Variants in BLTP2 observed in about 807,000 individuals in gnomAD.
BLTP2 encodes bridge-like lipid transfer protein family member 2.
the BLTP2 span, among the ~76,000 whole-genome samples, chr17:28,617,603 G>A: frequency 2.0e-5 from 3 of 152,098 alleles, no homozygotes; most frequent in Non-Finnish European, 4.4e-5. Flanking sequence ...AAATAATACT[G>A]CCTTCTTTAC....
At chr17:28,625,784 A>G in the BLTP2 span, among the ~76,000 whole-genome samples, 4 of 151,852 alleles carry the variant, frequency 2.6e-5, no homozygotes, top group South Asian at 8.3e-4. Flanking sequence ...TCTTCCCTTG[A>G]GATGGAGTTT....
chr17:28,645,129 C>T, the BLTP2 span: 1 of 1,257,338 alleles, frequency 8.0e-7, no homozygotes. Flanking sequence ...CCGCGCAGCA[C>T]CGCCGCGGGC....
At chr17:28,622,948 G>A in the BLTP2 span, among the ~76,000 whole-genome samples, 13 of 152,090 alleles carry the variant, frequency 8.5e-5, no homozygotes, top group Non-Finnish European at 1.3e-4. Context: ...GGTGGGGCAC[G>A]CCTGTAATCC....
the BLTP2 span, among the ~76,000 whole-genome samples, chr17:28,617,722 A>G: frequency 2.6e-5 from 4 of 152,176 alleles, no homozygotes; most frequent in Non-Finnish European, 5.9e-5. Context: ...TTCTTACTCA[A>G]CAAGAGAAGC....
At chr17:28,623,957 G>A in the BLTP2 span, 14 of 1,613,404 alleles carry the variant, frequency 8.7e-6, no homozygotes, top group South Asian at 1.1e-5. Flanking sequence ...TCTGCTCCAC[G>A]AAGAACCATC....
the BLTP2 span, chr17:28,642,033 G>A: frequency 1.2e-6 from 2 of 1,614,070 alleles, no homozygotes; most frequent in East Asian, 2.2e-5. Context: ...CCCACCTTTA[G>A]ACACAGGTCC....
At chr17:28,634,472 C>T in the BLTP2 span, 1 of 1,566,828 alleles carries the variant, frequency 6.4e-7, no homozygotes, top group Non-Finnish European at 8.6e-7. Context: ...CCCCAGAGCT[C>T]AGCGGGCAAA....
At chr17:28,621,182 T>C in the BLTP2 span, 1 of 1,610,872 alleles carries the variant, frequency 6.2e-7, no homozygotes. Context: ...TGGGAAGAGG[T>C]GGGAAAGAGA....
chr17:28,633,615 A>G, the BLTP2 span: 1 of 1,613,988 alleles, frequency 6.2e-7, no homozygotes, highest in Non-Finnish European at 8.5e-7. Context: ...GGAACAGAAG[A>G]CGGCTCTTGT....
chr17:28,631,478 C>T, the BLTP2 span: 10 of 1,613,488 alleles, frequency 6.2e-6, no homozygotes, highest in Non-Finnish European at 7.6e-6. Flanking sequence ...TCAGGGAGTA[C>T]CTCCTCAGCT....
the BLTP2 span, among the ~76,000 whole-genome samples, chr17:28,644,536 G>A: frequency 3.9e-5 from 6 of 152,202 alleles, no homozygotes; most frequent in South Asian, 6.2e-4. Context: ...TCCCCAGAGG[G>A]TCTGTCTGTC....
chr17:28,634,876 C>A, the BLTP2 span: 1 of 1,614,002 alleles, frequency 6.2e-7, no homozygotes, highest in Non-Finnish European at 8.5e-7. Flanking sequence ...TCTTTTGGCA[C>A]TCTCCTTACT....
chr17:28,621,181 G>A, the BLTP2 span: 1 of 1,611,558 alleles, frequency 6.2e-7, no homozygotes, highest in Admixed American at 1.7e-5. Context: ...CTGGGAAGAG[G>A]TGGGAAAGAG....
the BLTP2 span, chr17:28,635,962 A>G: frequency 4.7e-3 from 886 of 189,986 alleles, 6 homozygotes; most frequent in African/African-American, 0.02. Context: ...GTTTCTGCTT[A>G]TGAGTTACCT....
chr17:28,623,832 C>T, the BLTP2 span: 2 of 1,614,222 alleles, frequency 1.2e-6, no homozygotes, highest in Non-Finnish European at 1.7e-6. Context: ...GCATGCCATC[C>T]AAGAGGCAAG....
At chr17:28,616,359 A>G in the BLTP2 span, 1 of 1,613,790 alleles carries the variant, frequency 6.2e-7, no homozygotes, top group Non-Finnish European at 8.5e-7. This position sits in a 1 kb window ranked among gnomAD's most constrained non-coding sequence, Gnocchi z 4.8. Flanking sequence ...TTTTTCTATC[A>G]TCAGGGGCAT....
the BLTP2 span, among the ~76,000 whole-genome samples, chr17:28,619,401 CAGG>C: frequency 1.3e-5 from 2 of 152,028 alleles, no homozygotes; most frequent in South Asian, 4.2e-4. Context: ...GAGGCCAAGG[CAGG>C]AGGACTGCTT....
the BLTP2 span, chr17:28,631,467 G>A: frequency 1.2e-6 from 2 of 1,611,426 alleles, no homozygotes; most frequent in East Asian, 2.2e-5. Context: ...AAGAAAGTGT[G>A]TCAGGGAGTA....
At chr17:28,620,351 AGT>A in the BLTP2 span, among the ~76,000 whole-genome samples, 1 of 152,216 alleles carries the variant, frequency 6.6e-6, no homozygotes, top group East Asian at 1.9e-4. Context: ...TTCCTAAGTA[AGT>A]GGAATTTCAA....
Sources: gnomAD v4.1 joint callset for allele counts (sites outside exome capture counted in the v4.1 genomes callset) on GRCh38, gnomAD v4.1.1 for gene constraint, Gnocchi (gnomAD v3.1) non-coding constraint, MANE v1.5 for transcripts, NCBI Gene and HGNC (gene_info 2026-07-23, HGNC 2026-07-21) for gene names.